The following ECM2 variants were observed in gnomAD, a reference collection of about 807,000 sequenced individuals.
ECM2 encodes the protein extracellular matrix protein 2, also known as extracellular matrix protein 2, female organ and adipocyte specific.
A neutral mutation model predicts 67.5 loss-of-function variants in ECM2; 57 were observed. The ratio of observed to expected loss-of-function variants is 0.84; its 90% CI spans 0.68 to 1.05. ECM2 has a LOEUF of 1.05. Ranked by LOEUF, ECM2 falls within the 50% of genes least tolerant of loss-of-function variation. ECM2 has a pLI of 0.00. For missense variants in ECM2, 741 were observed against 822.8 expected (o/e 0.90, Z 1.22); for synonymous variants, 258 against 294.5 (o/e 0.88, Z 1.27).
At chr9:92,535,347 A>G (rs1471353387) in intron 1 of ECM2, among the ~76,000 whole-genome samples, 1 of 152,172 alleles carries the variant, frequency 6.6e-6, no homozygotes, top group Non-Finnish European at 1.5e-5. Flanking sequence ...CAACTTCGTA[A>G]TTGAGTGTTT....
In ECM2 at chr9:92,500,541, A is replaced by G. The variant is rs188738162; in HGVS notation, c.1931+186T>C. ...TGTGCAAAAGTAGGAAAAGCTTATA[A>G]TGAATCCTCACATACCTGTCATCCA... On this transcript the variant is annotated intron_variant, in intron 9 of 9. Transcript: ENST00000344604. 2.0e-3 allele frequency among the ~76,000 whole-genome samples: 301 copies of G among 152,348 alleles called. 2 individuals are homozygous for G. The highest frequency in any genetic ancestry group is 0.017 in the Middle Eastern group (5 of 294).
downstream of ECM2, chr9:92,494,246 G>T: frequency 8.3e-7 from 1 of 1,211,324 alleles, no homozygotes; most frequent in Non-Finnish European, 1.2e-6. Flanking sequence ...ACCTTATTCA[G>T]TTTGAGCCCC....
At position 92,502,560 on chromosome 9, in the gene ECM2, G is replaced by T. The variant is rs756524153; in HGVS notation, c.1557C>A (p.Asn519Lys). The T allele has an allele frequency of 1.2e-6, 2 of 1,612,508 alleles. No homozygotes were observed. The highest frequency in any genetic ancestry group is 1.7e-6 in the Non-Finnish European group (2 of 1,179,266). ...RKINVIVLRY[N>K]KIEENRIAPL... ...GAGCAATCCTATTTTCTTCAATTTT[G>T]TTATAACGTAGTACAATGACATTGA... is the stretch of plus-strand genomic sequence containing the variant. Residue 519 changes from asparagine to lysine, a missense_variant, in exon 8 of 10, where the codon AAC becomes AAA. Transcript: ENST00000344604.
At position 92,514,864 on chromosome 9, in the gene ECM2, T is replaced by A. The variant is rs768427718; in HGVS notation, c.821A>T (p.Asp274Val). The A allele has an allele frequency of 1.9e-6, 3 of 1,603,840 alleles. No homozygotes were observed. Among genetic ancestry groups the A allele is most frequent in the Non-Finnish European group, 2.6e-6 (3 of 1,172,426 alleles). The change falls in exon 4 of 10, where the codon GAT becomes GTT. Residue 274 changes from aspartate to valine, a missense_variant. By Grantham distance (152) the Asp-to-Val change is radical (BLOSUM62 -3). Transcript: ENST00000344604. The part of the protein sequence containing the change: ...QQRQGREEEE[D>V]EEEEGEEGEE... Reference sequence around the variant, plus strand: ...ACCCTCCTCACCCTCCTCCTCCTCATCCTCCTCCTCCTCCCTTCCTTGGCG... The same window carrying A: ...ACCCTCCTCACCCTCCTCCTCCTCAACCTCCTCCTCCTCCCTTCCTTGGCG...
chr9:92,544,528 T>C, the ECM2 span, among the ~76,000 whole-genome samples: 1 of 107,340 alleles, frequency 9.3e-6, no homozygotes, highest in African/African-American at 5.0e-5. Context: ...CTTTCTATAG[T>C]TAATTTGTTG....
chr9:92,508,926 T>C (rs1325485282), intron 6 of ECM2, among the ~76,000 whole-genome samples: 1 of 152,046 alleles, frequency 6.6e-6, no homozygotes, highest in Non-Finnish European at 1.5e-5. Flanking sequence ...TCAAGAGCTA[T>C]GCTAGACTAT....
At chr9:92,543,293 G>A in the ECM2 span, among the ~76,000 whole-genome samples, 1 of 151,858 alleles carries the variant, frequency 6.6e-6, no homozygotes, top group Non-Finnish European at 1.5e-5. Context: ...CCAACATGGT[G>A]AAACCCCATC....
chr9:92,542,439 G>A, the ECM2 span, among the ~76,000 whole-genome samples: 1 of 150,972 alleles, frequency 6.6e-6, no homozygotes, highest in South Asian at 2.1e-4. Context: ...TGTGCTTTTG[G>A]AATTATATTC....
intron 1 of ECM2, among the ~76,000 whole-genome samples, chr9:92,533,328 A>AAAAAAAAAAAAAAAAAAAAAAATATATAT (rs1554683138): frequency 2.6e-5 from 1 of 38,332 alleles, no homozygotes; most frequent in Non-Finnish European, 4.3e-5. Flanking sequence ...AAAAAAAAAA[A>AAAAAAAAAAAAAAAAAAAAAAATATATAT]ATATATATAT....
At chr9:92,546,167 G>A in the ECM2 span, among the ~76,000 whole-genome samples, 2 of 152,208 alleles carry the variant, frequency 1.3e-5, no homozygotes, top group African/African-American at 4.8e-5. Flanking sequence ...CTAGCTCAGC[G>A]ATTGTAAACG....
At chr9:92,545,227 G>T in the ECM2 span, among the ~76,000 whole-genome samples, 1 of 152,134 alleles carries the variant, frequency 6.6e-6, no homozygotes, top group East Asian at 1.9e-4. Flanking sequence ...CTCGGACCTG[G>T]GATGGCCGAG....
intron 3 of ECM2, 34 bp downstream of exon 3, chr9:92,517,653 C>G: frequency 6.2e-7 from 1 of 1,612,240 alleles, no homozygotes; most frequent in Admixed American, 1.7e-5. Flanking sequence ...AGATTAATCA[C>G]ACACTGATAT....
chr9:92,545,664 C>T, the ECM2 span, among the ~76,000 whole-genome samples: 1 of 152,256 alleles, frequency 6.6e-6, no homozygotes, highest in Non-Finnish European at 1.5e-5. Flanking sequence ...CCAGCTCCAC[C>T]TGCAGCCTGG....
At chr9:92,555,984 A>G in the ECM2 span, among the ~76,000 whole-genome samples, 4 of 151,994 alleles carry the variant, frequency 2.6e-5, no homozygotes, top group Admixed American at 6.6e-5. Context: ...TTGTGACCTT[A>G]GATTGTCTGT....
chr9:92,536,608 G>A (rs953479627), upstream of ECM2: 4 of 152,366 alleles, frequency 2.6e-5, no homozygotes, highest in Admixed American at 6.5e-5. Flanking sequence ...TACCTGTTAC[G>A]CTGGCAAATT....
intron 2 of ECM2, among the ~76,000 whole-genome samples, chr9:92,521,998 G>T (rs1332616053): frequency 6.6e-6 from 1 of 152,196 alleles, no homozygotes; most frequent in Non-Finnish European, 1.5e-5. Context: ...AAATATAGTG[G>T]TAGGATAAGT....
intron 1 of ECM2, among the ~76,000 whole-genome samples, chr9:92,531,411 GT>G (rs1234100375): frequency 6.6e-6 from 1 of 152,008 alleles, no homozygotes; most frequent in African/African-American, 2.4e-5. Context: ...TATATATTCT[GT>G]TTCAGTTCTG....
rs534955473 is a variant in ECM2 at position 92,509,917 on chromosome 9, C to T, written c.1288G>A (p.Asp430Asn). Residue 430 changes from aspartate to asparagine, a missense_variant, in exon 6 of 10, where the codon GAT becomes AAT. Physicochemically the swap from Asp to Asn is conservative, Grantham distance 23. Transcript: ENST00000344604. ...TAAATACCTGATAAACTTTCTTCAT[C>T]GATAGCCTGAAGATTGTTCTCATTG... Reference protein sequence around the residue: ...KVNENNLQAIDEESLSDLNQL... With the variant: ...KVNENNLQAINEESLSDLNQL... The T allele has an allele frequency of 4.7e-5, 75 of 1,602,744 alleles. No homozygotes were observed. Among genetic ancestry groups the T allele is most frequent in the East Asian group, 8.9e-5 (4 of 44,746 alleles).
rs577270956 is a variant in ECM2 at position 92,515,058 on chromosome 9, T to G, written c.627A>C (p.Glu209Asp). Reference protein sequence around the residue: ...QVGMDRIVRKEALQSEEDEEV... With the variant: ...QVGMDRIVRKDALQSEEDEEV... ...CTTCATCCTCCTCAGATTGAAGTGCTTCTTTTCTTACTATTCGGTCCATTC... is the reference window on the plus strand; with the variant it reads ...CTTCATCCTCCTCAGATTGAAGTGCGTCTTTTCTTACTATTCGGTCCATTC... The change falls in exon 4 of 10, where the codon GAA (glutamate) becomes GAC (aspartate). Residue 209 changes from glutamate to aspartate, a missense_variant. Physicochemically the swap from Glu to Asp is conservative, Grantham distance 45. Transcript: ENST00000344604. 3 of 1,614,190 alleles carry G rather than the reference T, an allele frequency of 1.9e-6. No homozygotes were observed. The highest frequency in any genetic ancestry group is 2.2e-5 in the East Asian group (1 of 44,884).
Sources: allele counts gnomAD v4.1 joint callset (sites outside exome capture counted in the v4.1 genomes callset), GRCh38; gene constraint gnomAD v4.1.1; transcripts MANE v1.5; gene names NCBI Gene and HGNC (gene_info 2026-07-23, HGNC 2026-07-21).